IL1RAPL2: variants seen among roughly 807,000 people sequenced by gnomAD.
The protein encoded by IL1RAPL2 is interleukin 1 receptor accessory protein like 2.
IL1RAPL2 carries 3 observed loss-of-function variants against 44.1 expected under a neutral mutation model. That is an observed-to-expected ratio of 0.07 (90% CI 0.03 to 0.18). The LOEUF is 0.18. Among genes scored for constraint, IL1RAPL2 ranks in the 10% least tolerant of loss-of-function variants. The probability of loss-of-function intolerance (pLI) is 1.00; values close to 1 mark genes in which losing one functional copy is unlikely to be tolerated. For synonymous variants in IL1RAPL2, 181 were observed against 178.8 expected, an observed-to-expected ratio of 1.01 and a Z score of -0.10; for missense variants, 391 against 496.4, an observed-to-expected ratio of 0.79 and a Z score of 2.02.
chrX:105,167,811 A>T (rs2033384442), intron 2 of IL1RAPL2, among the ~76,000 whole-genome samples: 1 of 110,610 alleles, frequency 9.0e-6, no homozygotes, highest in African/African-American at 3.3e-5. Context: ...CAGTTGCATG[A>T]TTAGTATTTA....
intron 6 of IL1RAPL2, among the ~76,000 whole-genome samples, chrX:105,568,395 T>C (rs758591979): frequency 5.2e-4 from 58 of 112,106 alleles, no homozygotes; most frequent in African/African-American, 1.7e-3. Flanking sequence ...TCTAGAGTTA[T>C]TTCAAAAAGA....
At chrX:105,062,138 G>A (rs1022689052) in intron 2 of IL1RAPL2, among the ~76,000 whole-genome samples, 1 of 110,781 alleles carries the variant, frequency 9.0e-6, no homozygotes, top group African/African-American at 3.3e-5. Flanking sequence ...TTTTAGTGAA[G>A]GTGGTTTTCT....
At chrX:104,754,304 A>T (rs1932309100) in intron 2 of IL1RAPL2, among the ~76,000 whole-genome samples, 1 of 109,888 alleles carries the variant, frequency 9.1e-6, no homozygotes, top group Non-Finnish European at 1.9e-5. Flanking sequence ...TGGATCAAGG[A>T]GGTGGTTTTT....
chrX:104,973,710 T>C lies in IL1RAPL2; in HGVS notation c.83-221765T>C, dbSNP rs185231575. 1.2e-4 allele frequency among the ~76,000 whole-genome samples: 14 copies of C among 112,081 alleles called. No homozygotes were observed. The East Asian group carries it at 3.9e-3, about 32-fold the overall frequency. ...GCAAGCTTAGTCACACACAAAAAAT[T>C]TATTTTATAAATTCCCTTTCGTGAA... On this transcript the variant is annotated intron_variant, in intron 2 of 10. Coordinates refer to ENST00000372582, the MANE Select transcript of IL1RAPL2 (RefSeq NM_017416.2).
At chrX:104,946,230 A>G (rs1441208294) in intron 2 of IL1RAPL2, among the ~76,000 whole-genome samples, 2 of 99,702 alleles carry the variant, frequency 2.0e-5, no homozygotes, top group African/African-American at 7.3e-5. Context: ...AAAATTAGCC[A>G]GGCGCGGTGG....
At chrX:105,053,978 TAGC>T (rs1454131443) in intron 2 of IL1RAPL2, among the ~76,000 whole-genome samples, 1 of 111,343 alleles carries the variant, frequency 9.0e-6, no homozygotes, top group Non-Finnish European at 1.9e-5. Context: ...CCAGCCTGGG[TAGC>T]AGAGTGAGAC....
At chrX:104,704,126 T>G (rs1931325211) in intron 2 of IL1RAPL2, among the ~76,000 whole-genome samples, 1 of 112,263 alleles carries the variant, frequency 8.9e-6, no homozygotes, top group African/African-American at 3.2e-5. Context: ...TTGGTTTAAA[T>G]AGTTTCTTTA....
At chrX:105,268,236 A>G (rs1047795592) in intron 5 of IL1RAPL2, among the ~76,000 whole-genome samples, 14 of 111,678 alleles carry the variant, frequency 1.3e-4, no homozygotes, top group Non-Finnish European at 2.4e-4. Flanking sequence ...TCTACTTACT[A>G]TTGCTCACAA....
chrX:105,107,001 A>G (rs769541586), intron 2 of IL1RAPL2, among the ~76,000 whole-genome samples: 9 of 112,065 alleles, frequency 8.0e-5, no homozygotes, highest in Non-Finnish European at 1.1e-4. Context: ...ACAACTGATT[A>G]TAATGATATG....
Position 105,029,764 on chromosome X carries a change from C to T in IL1RAPL2, c.83-165711C>T, listed in dbSNP as rs181585705. ...TGATTTATAATCCTTTGGGTATATA[C>T]CCAGTAATGGGCTGGCTGTGTCAAA... On this transcript the variant is annotated intron_variant, in intron 2 of 10. Transcript: ENST00000372582. Among the ~76,000 whole-genome samples the T allele has an allele frequency of 7.1e-4, 79 of 111,052 alleles. No individual in the cohort carries two copies. The East Asian group carries it at 0.021, about 30-fold the overall frequency.
At chrX:105,403,514 C>T (rs1034313060) in intron 5 of IL1RAPL2, among the ~76,000 whole-genome samples, 1 of 111,519 alleles carries the variant, frequency 9.0e-6, no homozygotes, top group African/African-American at 3.3e-5. Context: ...AATTTGGTTG[C>T]AGATGCTCAT....
intron 2 of IL1RAPL2, among the ~76,000 whole-genome samples, chrX:104,999,487 A>C (rs1185646242): frequency 8.9e-6 from 1 of 112,130 alleles, no homozygotes; most frequent in Non-Finnish European, 1.9e-5. Context: ...GCCAATCTGC[A>C]CAGTTGTATG....
At chrX:105,339,761 A>G (rs1323512797) in intron 5 of IL1RAPL2, among the ~76,000 whole-genome samples, 1 of 111,624 alleles carries the variant, frequency 9.0e-6, no homozygotes, top group East Asian at 2.8e-4. Context: ...TAATCAGGGT[A>G]GACAATATAC....
chrX:105,170,837 T>G (rs2033416894), intron 2 of IL1RAPL2, among the ~76,000 whole-genome samples: 1 of 112,185 alleles, frequency 8.9e-6, no homozygotes. Flanking sequence ...AAGCCCTGCT[T>G]CTTTCATTTT....
At chrX:105,138,958 T>A (rs1253538577) in intron 2 of IL1RAPL2, among the ~76,000 whole-genome samples, 1 of 111,390 alleles carries the variant, frequency 9.0e-6, no homozygotes, top group Non-Finnish European at 1.9e-5. Context: ...TTACATGCCT[T>A]TAGATTCATG....
At chrX:105,158,886 C>T (rs1042683302) in intron 2 of IL1RAPL2, among the ~76,000 whole-genome samples, 2 of 111,312 alleles carry the variant, frequency 1.8e-5, no homozygotes, top group African/African-American at 3.3e-5. Flanking sequence ...CTTTCTGTCT[C>T]GGCATTCCGC....
intron 2 of IL1RAPL2, among the ~76,000 whole-genome samples, chrX:104,849,557 A>C (rs2147641157): frequency 9.2e-6 from 1 of 108,510 alleles, no homozygotes; most frequent in South Asian, 4.0e-4. Flanking sequence ...AACACAGAAA[A>C]GATAGCTGTT....
chrX:105,198,423 A>G (rs1420849663), intron 3 of IL1RAPL2, among the ~76,000 whole-genome samples: 1 of 111,933 alleles, frequency 8.9e-6, no homozygotes, highest in Non-Finnish European at 1.9e-5. Flanking sequence ...AAAATCCACT[A>G]TTTGCTTTTC....
chrX:105,757,779 G>A (rs1215354878), intron 10 of IL1RAPL2, among the ~76,000 whole-genome samples: 1 of 111,653 alleles, frequency 9.0e-6, no homozygotes, highest in Non-Finnish European at 1.9e-5. Flanking sequence ...CGATTTGCGA[G>A]TGTAACCTGC....
Sources: allele counts gnomAD v4.1 joint callset (sites outside exome capture counted in the v4.1 genomes callset), GRCh38; gene constraint gnomAD v4.1.1; transcripts MANE v1.5; gene names NCBI Gene and HGNC (gene_info 2026-07-23, HGNC 2026-07-21).